ZNF500: variants seen among roughly 807,000 people sequenced by gnomAD.
ZNF500 encodes the protein zinc finger protein 500, also known as zinc finger protein with KRAB and SCAN domains 18.
In ZNF500, 31 loss-of-function variants were observed where a neutral mutation model predicts 30.1. That is an observed-to-expected ratio of 1.03 (90% CI 0.77 to 1.39). ZNF500 has a LOEUF of 1.39. ZNF500 is among the 40% of genes most tolerant of loss of function. The pLI is 0.00. For missense variants in ZNF500, 817 were observed against 657.8 expected, an observed-to-expected ratio of 1.24 and a Z score of -2.65; for synonymous variants, 392 against 282.0, an observed-to-expected ratio of 1.39 and a Z score of -3.91.
chr16:4,753,157 C>A, intron 5 of ZNF500, 99 bp from the exon 6 acceptor site: 1 of 1,453,908 alleles, frequency 6.9e-7, no homozygotes, highest in South Asian at 1.5e-5. Context: ...TCCTAAGGTT[C>A]CCCTACAAAA....
downstream of ZNF500, chr16:4,747,091 C>G: frequency 7.0e-7 from 1 of 1,426,184 alleles, no homozygotes; most frequent in Non-Finnish European, 9.4e-7. Context: ...GCAAGCCCTC[C>G]ACCTGGCACA....
At chr16:4,748,141 G>C (rs1169757014), downstream of ZNF500, 1 of 152,068 alleles carries the variant, frequency 6.6e-6, no homozygotes. Context: ...TACCCACACA[G>C]ATCTAATACA....
rs560581710 is a variant in ZNF500, at chr16:4,764,066, C to T, written c.415-1310G>A. 20 of 985,412 alleles carry T rather than the reference C, an allele frequency of 2.0e-5. No homozygotes were observed. In the African/African-American group the frequency reaches 3.3e-4, roughly 16 times the overall value. 61.0% of individuals were successfully genotyped at this position (985,412 alleles called of 1,614,324 possible). ...GCAGCAGGAATGAGTAAGAGGCTTC[C>T]TCTACTCCTTCAAATGGGGCTGGAA... On this transcript the variant is annotated intron_variant, in intron 2 of 5. Transcript: ENST00000219478.
chr16:4,765,645 C>G lies in ZNF500; in HGVS notation c.334G>C (p.Glu112Gln), dbSNP rs200307038. Residue 112 changes from glutamate (E) to glutamine (Q), a missense_variant, in exon 2 of 6, where the codon GAG becomes CAG. Physicochemically the swap from Glu to Gln is conservative, Grantham distance 29. Transcript: ENST00000219478. Reference sequence around the variant, plus strand: ...TCCTCACCGCTCTCCGGCTGCTGCTCGCGTACCCGAGCCTGGATCTCCCCC... The same window carrying G: ...TCCTCACCGCTCTCCGGCTGCTGCTGGCGTACCCGAGCCTGGATCTCCCCC... Reference protein sequence around the residue: ...LPGEIQARVREQQPESGEEAV... With the variant: ...LPGEIQARVRQQQPESGEEAV... 1 of 1,613,496 alleles carries G rather than the reference C, an allele frequency of 6.2e-7. No individual in the cohort carries two copies. The highest frequency in any genetic ancestry group is 8.5e-7 in the Non-Finnish European group (1 of 1,179,956).
chr16:4,766,005 C>G lies in ZNF500; in HGVS notation c.-27G>C. ...GCTTCCGGTGGGCCTTGTTCCTTTT[C>G]AGGCCTTAGAGTTGAACCTGTCTCT... On this transcript the variant is annotated 5_prime_UTR_variant, in exon 2 of 6. Transcript: ENST00000219478. 6.6e-7 allele frequency: 1 copy of G among 1,524,382 alleles called. No individual in the cohort carries two copies. The highest frequency in any genetic ancestry group is 8.7e-7 in the Non-Finnish European group (1 of 1,143,202). 94.4% of individuals were successfully genotyped at this position (1,524,382 alleles called of 1,614,324 possible).
rs369093386 is a variant in ZNF500, at chr16:4,765,983, T to C, written c.-5A>G. 25 of 1,546,394 alleles carry C rather than the reference T, an allele frequency of 1.6e-5. No homozygotes were observed. The highest frequency in any genetic ancestry group is 2.2e-5 in the Non-Finnish European group (25 of 1,150,908). On this transcript the variant is annotated 5_prime_UTR_variant, in exon 2 of 6. Transcript: ENST00000219478. ...GAGGCCAGGGACAGTGGCCATTGCT[T>C]CCGGTGGGCCTTGTTCCTTTTCAGG...
chr16:4,745,796 C>CA (rs2082007449), downstream of ZNF500, among the ~76,000 whole-genome samples: 1 of 151,710 alleles, frequency 6.6e-6, no homozygotes, highest in African/African-American at 2.4e-5. Flanking sequence ...ACTAAAAACA[C>CA]AAAAAAATTT....
intron 1 of ZNF500, 129 bp from the exon 2 acceptor site, chr16:4,766,205 A>T: frequency 2.2e-6 from 1 of 461,884 alleles, no homozygotes; most frequent in Non-Finnish European, 3.8e-6. Flanking sequence ...GAAGTGGATG[A>T]ATGTCATCTT....
intron 5 of ZNF500, among the ~76,000 whole-genome samples, chr16:4,759,531 G>C (rs78658680): frequency 0.026 from 3,893 of 152,270 alleles, 56 homozygotes; most frequent in Non-Finnish European, 0.031. Context: ...AAAGAAGGAA[G>C]TCTGCCTCAA....
intron 2 of ZNF500, chr16:4,763,714 G>C: frequency 1.0e-6 from 1 of 964,698 alleles, no homozygotes; most frequent in Non-Finnish European, 1.2e-6. Flanking sequence ...ACAGAAGGAA[G>C]CCATGCCGGG....
chr16:4,753,907 T>G lies in ZNF500; in HGVS notation c.761-849A>C, dbSNP rs111850816. Among the ~76,000 whole-genome samples the G allele has an allele frequency of 6.9e-3, 1,052 of 152,326 alleles. 12 individuals carry two copies. Among genetic ancestry groups the G allele is most frequent in the African/African-American group, 0.024 (1,008 of 41,564 alleles). ...GCTCCCAGCCACTGGACCTCCCTTG[T>G]CGTACTTGGTGTGGCCCCTGAGGCC... On this transcript the variant is annotated intron_variant, in intron 5 of 5. Transcript: ENST00000219478.
intron 2 of ZNF500, chr16:4,763,745 T>G: frequency 1.0e-6 from 1 of 985,414 alleles, no homozygotes; most frequent in Non-Finnish European, 1.2e-6. Flanking sequence ...ACTGAAGCTG[T>G]GGTGGCCAGG....
At position 4,765,515 on chromosome 16, in the gene ZNF500, A is replaced by G. The variant is rs753321514; in HGVS notation, c.414+50T>C. 3.3e-6 allele frequency: 5 copies of G among 1,537,398 alleles called. No homozygotes were observed. The East Asian group carries it at 9.0e-5, about 28-fold the overall frequency. ...CAAGGAATCTGCAGCTGCAGACCCCAGCAGCAGGGCCCCATTTCCTCACCT... is the reference window on the plus strand; with the variant it reads ...CAAGGAATCTGCAGCTGCAGACCCCGGCAGCAGGGCCCCATTTCCTCACCT... On this transcript the variant is annotated intron_variant, in intron 2 of 5. Transcript: ENST00000219478.
chr16:4,758,029 G>A (rs566387267), intron 5 of ZNF500, among the ~76,000 whole-genome samples: 2 of 151,010 alleles, frequency 1.3e-5, no homozygotes, highest in South Asian at 4.2e-4. Context: ...AGCCTCCCAA[G>A]TAGCTGGGAT....
At chr16:4,762,852 G>C in intron 2 of ZNF500, 96 bp from the exon 3 acceptor site, 2 of 1,468,676 alleles carry the variant, frequency 1.4e-6, no homozygotes, top group Non-Finnish European at 1.8e-6. Context: ...CACCCCAGCC[G>C]GCTGCCCACC....
Position 4,751,613 on chromosome 16 carries a change from C to A in ZNF500, c.*763G>T. Reference sequence around the variant, plus strand: ...GTACAGCAGGGCTCCCTGCAGCAGACGAGGGGTCCCTCAAATTCATGTGCA... The same window carrying A: ...GTACAGCAGGGCTCCCTGCAGCAGAAGAGGGGTCCCTCAAATTCATGTGCA... On this transcript the variant is annotated 3_prime_UTR_variant, in exon 6 of 6. Coordinates refer to ENST00000219478, the MANE Select transcript of ZNF500 (RefSeq NM_021646.4). 2 of 1,535,280 alleles carry A rather than the reference C, an allele frequency of 1.3e-6. No individual in the cohort carries two copies. Among genetic ancestry groups the A allele is most frequent in the South Asian group, 2.4e-5 (2 of 84,044 alleles).
chr16:4,762,647 C>G lies in ZNF500; in HGVS notation c.524G>C (p.Arg175Pro). 3.7e-6 allele frequency: 6 copies of G among 1,614,116 alleles called. No individual in the cohort carries two copies. Among genetic ancestry groups the G allele is most frequent in the Non-Finnish European group, 5.1e-6 (6 of 1,180,008 alleles). Residue 175 changes from arginine to proline, a missense_variant, in exon 3 of 6, where the codon CGA becomes CCA. Transcript: ENST00000219478. Reference protein sequence around the residue: ...PEDLSLEEEARFSSQQPPAQL... With the variant: ...PEDLSLEEEAPFSSQQPPAQL... ...GGCTGGGGGCTGCTGGCTGGAGAAT[C>G]GAGCCTCTTCCTCCAGGGACAGATC...
chr16:4,761,121 G>C (rs900258804), intron 4 of ZNF500, among the ~76,000 whole-genome samples: 2 of 152,146 alleles, frequency 1.3e-5, no homozygotes, highest in African/African-American at 4.8e-5. Context: ...AATGAGTCTA[G>C]GGGGTTTTCG....
chr16:4,762,298 G>A lies in ZNF500; in HGVS notation c.636C>T (p.Ala212=). 1 of 1,611,474 alleles carries A rather than the reference G, an allele frequency of 6.2e-7. No individual in the cohort carries two copies. Among genetic ancestry groups the A allele is most frequent in the Non-Finnish European group, 8.5e-7 (1 of 1,178,936 alleles). The change falls in exon 4 of 6, where the codon GCC becomes GCT. Residue 212 remains alanine (A), a synonymous_variant. Coordinates refer to ENST00000219478, the MANE Select transcript of ZNF500 (RefSeq NM_021646.4). ...PAPRHQEMAS[A]SPFLSAWSQV... is the part of the protein sequence containing the mutation. ...GGGACCAGGCCGAAAGGAAGGGCGA[G>A]GCTGACGCCATCTCCTGATGCCGGG...
Sources: gnomAD v4.1 joint callset for allele counts (sites outside exome capture counted in the v4.1 genomes callset) on GRCh38, gnomAD v4.1.1 for gene constraint, MANE v1.5 for transcripts, NCBI Gene and HGNC (gene_info 2026-07-23, HGNC 2026-07-21) for gene names.